Variants in KCNMA1 observed in about 807,000 individuals in gnomAD.
KCNMA1 encodes potassium calcium-activated channel subfamily M alpha 1.
In KCNMA1, 29 loss-of-function variants were observed where a neutral mutation model predicts 140.0. The observed-to-expected ratio is 0.21, with a 90% CI of 0.15 to 0.28. KCNMA1 has a LOEUF of 0.28. Among genes scored for constraint, KCNMA1 ranks in the 10% least tolerant of loss-of-function variants. The pLI is 1.00. For missense variants in KCNMA1, 880 were observed against 1,602.2 expected (o/e 0.55, Z 7.70); for synonymous variants, 612 against 611.9 (o/e 1.00, Z 0.00).
Position 77,417,345 on chromosome 10 carries a change from C to G in KCNMA1, c.379-13322G>C, listed in dbSNP as rs202184119. Among the ~76,000 whole-genome samples, 116 of 114,552 alleles carry G rather than the reference C, an allele frequency of 1.0e-3. 1 individual carries two copies. The East Asian group carries it at 0.044, about 44-fold the overall frequency. The allele number at this position is 114,552 out of a possible 152,430, so 75.2% of individuals were successfully genotyped here. ...TTTTATGCCCAAAGTGTTTGGCATA[C>G]AGCAATGTGCTTAACAGACACGTAC... On this transcript the variant is annotated intron_variant, in intron 1 of 27. Transcript: ENST00000286628.
chr10:76,912,575 C>T (rs1318830813), intron 24 of KCNMA1: 1 of 152,164 alleles, frequency 6.6e-6, no homozygotes, highest in African/African-American at 2.4e-5. Context: ...TCTCTGAACA[C>T]AAGGAAGAAA....
intron 14 of KCNMA1, among the ~76,000 whole-genome samples, chr10:77,065,840 A>G (rs1052196132): frequency 2.6e-5 from 4 of 152,354 alleles, no homozygotes; most frequent in Non-Finnish European, 4.4e-5. Flanking sequence ...CTTAGAGGAA[A>G]GACTCAACTG....
chr10:77,391,426 T>C (rs1165705708), intron 2 of KCNMA1, among the ~76,000 whole-genome samples: 27 of 152,170 alleles, frequency 1.8e-4, no homozygotes, highest in Admixed American at 1.8e-3. Context: ...AAAGATAGCC[T>C]TGGTGCTTAA....
At chr10:77,572,964 C>T (rs1213425193) in intron 1 of KCNMA1, among the ~76,000 whole-genome samples, 1 of 152,038 alleles carries the variant, frequency 6.6e-6, no homozygotes, top group Admixed American at 6.6e-5. Context: ...ACAATTCAGA[C>T]TAAGCTGGAT....
chr10:77,577,881 A>G (rs1397957692), intron 1 of KCNMA1, among the ~76,000 whole-genome samples: 1 of 152,144 alleles, frequency 6.6e-6, no homozygotes, highest in Admixed American at 6.5e-5. Context: ...CTGTGCCCAC[A>G]TTGCACCCAG....
chr10:77,215,268 T>C (rs1364302470), intron 3 of KCNMA1, among the ~76,000 whole-genome samples: 3 of 152,196 alleles, frequency 2.0e-5, no homozygotes, highest in African/African-American at 7.2e-5. Context: ...CTTTCTCCTC[T>C]TTAATTTCCC....
downstream of KCNMA1, among the ~76,000 whole-genome samples, chr10:76,881,595 C>T (rs946422873): frequency 1.3e-5 from 2 of 152,108 alleles, no homozygotes; most frequent in African/African-American, 4.8e-5. Flanking sequence ...CATGAGAATG[C>T]CTGGCCCAAG....
intron 2 of KCNMA1, among the ~76,000 whole-genome samples, chr10:77,384,666 G>A (rs1216496264): frequency 6.6e-6 from 1 of 152,200 alleles, no homozygotes; most frequent in Non-Finnish European, 1.5e-5. Context: ...GTCCCCAAAG[G>A]GGAGGCAATG....
At chr10:77,544,880 T>C (rs2061047841) in intron 1 of KCNMA1, among the ~76,000 whole-genome samples, 1 of 152,186 alleles carries the variant, frequency 6.6e-6, no homozygotes, top group South Asian at 2.1e-4. Context: ...CTGACTCTGC[T>C]CCCTGGGGAC....
intron 2 of KCNMA1, among the ~76,000 whole-genome samples, chr10:77,294,179 G>A (rs2074246708): frequency 6.6e-6 from 1 of 152,220 alleles, no homozygotes; most frequent in Non-Finnish European, 1.5e-5. Flanking sequence ...CTTGGAATAT[G>A]ATGTTTAATG....
chr10:77,621,086 C>T (rs968025644), intron 1 of KCNMA1, among the ~76,000 whole-genome samples: 6 of 152,180 alleles, frequency 3.9e-5, no homozygotes, highest in Admixed American at 1.3e-4. Context: ...GGCAGGCACA[C>T]GGCCACAATG....
intron 1 of KCNMA1, among the ~76,000 whole-genome samples, chr10:77,406,518 G>A (rs1309855993): frequency 1.3e-5 from 2 of 152,134 alleles, no homozygotes; most frequent in Non-Finnish European, 2.9e-5. Context: ...ACAGTGTGCT[G>A]GGCCCATCCC....
At chr10:77,215,873 C>G (rs1021290291) in intron 3 of KCNMA1, among the ~76,000 whole-genome samples, 2 of 151,148 alleles carry the variant, frequency 1.3e-5, no homozygotes, top group Non-Finnish European at 3.0e-5. Context: ...CCCTCCCCCC[C>G]ACCTGTCTCT....
At chr10:76,972,202 G>A (rs1014693691) in intron 19 of KCNMA1, among the ~76,000 whole-genome samples, 2 of 152,192 alleles carry the variant, frequency 1.3e-5, no homozygotes, top group Non-Finnish European at 2.9e-5. Context: ...TCTAGTCGGG[G>A]TGCAAGTTCT....
intron 5 of KCNMA1, among the ~76,000 whole-genome samples, chr10:77,149,129 T>C (rs2098371732): frequency 6.6e-6 from 1 of 152,226 alleles, no homozygotes. Flanking sequence ...GCTGGGAACT[T>C]TGCACTTGCT....
chr10:76,956,393 T>A (rs1448769747), intron 20 of KCNMA1, among the ~76,000 whole-genome samples: 2 of 152,258 alleles, frequency 1.3e-5, no homozygotes, highest in East Asian at 3.9e-4. Context: ...CACTACACTC[T>A]ACTCCCCACA....
intron 5 of KCNMA1, among the ~76,000 whole-genome samples, chr10:77,173,030 G>A (rs1030345442): frequency 3.3e-5 from 5 of 152,038 alleles, no homozygotes; most frequent in Admixed American, 1.3e-4. Context: ...CCAACACGAC[G>A]GCATTGGGAT....
chr10:76,951,985 AGATGTTTTGTTAAAT>A (rs1159966744), intron 21 of KCNMA1: 1 of 1,513,838 alleles, frequency 6.6e-7, no homozygotes. Context: ...GGCCTCCTGG[AGATGTTTTGTTAAAT>A]GATGTTATTT....
At chr10:76,968,031 G>A (rs138296362) in intron 20 of KCNMA1, among the ~76,000 whole-genome samples, 1 of 152,154 alleles carries the variant, frequency 6.6e-6, no homozygotes, top group African/African-American at 2.4e-5. Flanking sequence ...AGAAAGTCCT[G>A]TAAAAACCAT....
Sources: allele counts gnomAD v4.1 joint callset (sites outside exome capture counted in the v4.1 genomes callset), GRCh38; gene constraint gnomAD v4.1.1; transcripts MANE v1.5; gene names NCBI Gene and HGNC (gene_info 2026-07-23, HGNC 2026-07-21).